The following CPA6 variants were observed in gnomAD, a reference collection of about 807,000 sequenced individuals.
CPA6 encodes the protein carboxypeptidase B.
Under a neutral mutation model 63.3 loss-of-function variants are expected in CPA6, and 58 were observed. The ratio of observed to expected loss-of-function variants is 0.92; its 90% CI spans 0.74 to 1.14. CPA6 has a LOEUF of 1.14. CPA6 is among the 50% of genes most tolerant of loss of function. CPA6 has a pLI of 0.00. For synonymous variants in CPA6, 185 were observed against 179.0 expected (o/e 1.03, Z -0.27); for missense variants, 565 against 526.6 (o/e 1.07, Z -0.71).
intron 1 of CPA6, among the ~76,000 whole-genome samples, chr8:67,678,061 C>T (rs1467855319): frequency 6.6e-6 from 1 of 152,064 alleles, no homozygotes; most frequent in African/African-American, 2.4e-5. Context: ...AACCCTGTCT[C>T]TACTAAAAAT....
At chr8:67,435,763 C>T (rs1036512403) in intron 8 of CPA6, among the ~76,000 whole-genome samples, 1 of 152,024 alleles carries the variant, frequency 6.6e-6, no homozygotes, top group Admixed American at 6.5e-5. Flanking sequence ...CTCTTATTTG[C>T]ACCCTCCCCA....
chr8:67,514,882 C>A (rs562577970), intron 3 of CPA6, among the ~76,000 whole-genome samples: 2 of 152,296 alleles, frequency 1.3e-5, no homozygotes, highest in East Asian at 1.9e-4. Context: ...CCAGTAGGAA[C>A]AATAGTTTTA....
intron 1 of CPA6, among the ~76,000 whole-genome samples, chr8:67,667,461 T>C (rs1336167079): frequency 2.0e-5 from 3 of 151,950 alleles, no homozygotes; most frequent in Non-Finnish European, 2.9e-5. Context: ...AAGACCCCCA[T>C]GCCAACATCA....
At chr8:67,572,873 C>A (rs1046480051) in intron 2 of CPA6, among the ~76,000 whole-genome samples, 1 of 152,120 alleles carries the variant, frequency 6.6e-6, no homozygotes, top group Non-Finnish European at 1.5e-5. Context: ...AATATAGACG[C>A]AGAAATCCTC....
chr8:67,505,904 TG>T (rs1178038385), intron 6 of CPA6, among the ~76,000 whole-genome samples: 1 of 152,184 alleles, frequency 6.6e-6, no homozygotes, highest in Non-Finnish European at 1.5e-5. Flanking sequence ...GTGTCTTTAA[TG>T]GTTTTCTATA....
chr8:67,519,929 A>G (rs571647449), intron 2 of CPA6, among the ~76,000 whole-genome samples: 2 of 151,822 alleles, frequency 1.3e-5, no homozygotes, highest in African/African-American at 4.8e-5. Flanking sequence ...CTATTTTTTT[A>G]TTTATTTTTA....
At chr8:67,692,755 T>C (rs1182167948) in intron 1 of CPA6, among the ~76,000 whole-genome samples, 7 of 152,230 alleles carry the variant, frequency 4.6e-5, no homozygotes, top group Admixed American at 3.9e-4. Flanking sequence ...GTATTATTTC[T>C]TCACCATTAA....
chr8:67,426,972 G>C lies in CPA6; in HGVS notation c.1126+1075C>G, dbSNP rs763254113. 3.9e-4 allele frequency among the ~76,000 whole-genome samples: 59 copies of C among 152,214 alleles called. 1 individual carries two copies. The highest frequency in any genetic ancestry group is 4.7e-4 in the Non-Finnish European group (32 of 68,032). ...GCCCATACTATGATTCTTTGTCGAA[G>C]TTCTTGCCATATACCCACTTGGAAG... is the stretch of plus-strand genomic sequence containing the variant. On this transcript the variant is annotated intron_variant, in intron 10 of 10. Coordinates refer to ENST00000297770, the MANE Select transcript of CPA6 (RefSeq NM_020361.5).
intron 4 of CPA6, 25 bp from the exon 5 acceptor site, chr8:67,509,643 T>C (rs1407707210): frequency 4.4e-6 from 5 of 1,147,100 alleles, no homozygotes; most frequent in Non-Finnish European, 6.4e-6. Flanking sequence ...ATAAAAACTA[T>C]GTTAGACTCT....
intron 1 of CPA6, among the ~76,000 whole-genome samples, chr8:67,673,389 T>TTTATTTA (rs1554532411): frequency 7.5e-6 from 1 of 132,868 alleles, no homozygotes; most frequent in Non-Finnish European, 1.6e-5. Context: ...TATTTATTTA[T>TTTATTTA]TTTTTTTTTT....
chr8:67,479,443 G>A (rs1811310252), intron 8 of CPA6, among the ~76,000 whole-genome samples: 1 of 152,192 alleles, frequency 6.6e-6, no homozygotes, highest in African/African-American at 2.4e-5. Context: ...ATTCCCTCAT[G>A]CTATGCATGT....
At chr8:67,587,073 T>C (rs1324531141) in intron 2 of CPA6, among the ~76,000 whole-genome samples, 1 of 152,170 alleles carries the variant, frequency 6.6e-6, no homozygotes, top group Non-Finnish European at 1.5e-5. Flanking sequence ...GGATAATGGG[T>C]ATTATGTTCG....
At chr8:67,670,289 G>A (rs997638117) in intron 1 of CPA6, among the ~76,000 whole-genome samples, 2 of 152,174 alleles carry the variant, frequency 1.3e-5, no homozygotes, top group Admixed American at 6.5e-5. Context: ...TGAGGGGGAA[G>A]CAGGCAGGTC....
intron 2 of CPA6, among the ~76,000 whole-genome samples, chr8:67,518,418 A>G (rs1338712232): frequency 6.6e-6 from 1 of 152,116 alleles, no homozygotes; most frequent in African/African-American, 2.4e-5. Context: ...ATCCTACCAC[A>G]TAAGAACACT....
chr8:67,604,898 C>T (rs568588785), intron 2 of CPA6, among the ~76,000 whole-genome samples: 1 of 152,258 alleles, frequency 6.6e-6, no homozygotes, highest in South Asian at 2.1e-4. Flanking sequence ...CCGCCTCAGC[C>T]TCCCAAGTAG....
intron 9 of CPA6, among the ~76,000 whole-genome samples, chr8:67,428,811 A>G (rs919579086): frequency 2.6e-5 from 4 of 152,198 alleles, no homozygotes; most frequent in Non-Finnish European, 5.9e-5. Context: ...AAGTTACAAA[A>G]TACTTGGCCG....
intron 1 of CPA6, among the ~76,000 whole-genome samples, chr8:67,720,822 T>G (rs988233918): frequency 6.6e-6 from 1 of 152,226 alleles, no homozygotes; most frequent in African/African-American, 2.4e-5. Flanking sequence ...CTCTTCACCT[T>G]GTTGATCACT....
At chr8:67,649,503 T>C (rs6984281) in intron 1 of CPA6, among the ~76,000 whole-genome samples, 2 of 152,082 alleles carry the variant, frequency 1.3e-5, no homozygotes, top group African/African-American at 4.8e-5. Flanking sequence ...GGTCCTCTTA[T>C]GATTTTTTAA....
chr8:67,679,375 C>A (rs1816545268), intron 1 of CPA6, among the ~76,000 whole-genome samples: 1 of 152,080 alleles, frequency 6.6e-6, no homozygotes, highest in Non-Finnish European at 1.5e-5. Context: ...GTTAAAAAAC[C>A]TTACTTGACA....
Sources: gnomAD v4.1 joint callset for allele counts (sites outside exome capture counted in the v4.1 genomes callset) on GRCh38, gnomAD v4.1.1 for gene constraint, MANE v1.5 for transcripts, NCBI Gene and HGNC (gene_info 2026-07-23, HGNC 2026-07-21) for gene names.